Variants in RNF157 observed in about 807,000 individuals in gnomAD.
RNF157 encodes ring finger protein 157.
A neutral mutation model predicts 88.3 loss-of-function variants in RNF157; 55 were observed. That is an observed-to-expected ratio of 0.62 (90% CI 0.50 to 0.78). The LOEUF (loss-of-function observed/expected upper bound fraction) is 0.78. Among genes scored for constraint, RNF157 ranks in the 30% least tolerant of loss-of-function variants. The probability of loss-of-function intolerance (pLI) is 0.00; values close to 1 mark genes in which losing one functional copy is unlikely to be tolerated. For synonymous variants in RNF157, 334 were observed against 341.2 expected, an observed-to-expected ratio of 0.98 and a Z score of 0.23; for missense variants, 788 against 860.8, an observed-to-expected ratio of 0.92 and a Z score of 1.06.
chr17:76,178,371 T>C (rs1215867677), intron 2 of RNF157, among the ~76,000 whole-genome samples: 1 of 152,236 alleles, frequency 6.6e-6, no homozygotes, highest in Non-Finnish European at 1.5e-5. Flanking sequence ...GCACCTATAC[T>C]GGCACCTGGG....
At chr17:76,177,562 G>A (rs1032667249) in intron 2 of RNF157, among the ~76,000 whole-genome samples, 1 of 152,020 alleles carries the variant, frequency 6.6e-6, no homozygotes, top group Non-Finnish European at 1.5e-5. Context: ...GGGCAGCTTG[G>A]TGCTGGCCTT....
At chr17:76,178,339 G>A (rs1438532505) in intron 2 of RNF157, among the ~76,000 whole-genome samples, 1 of 152,232 alleles carries the variant, frequency 6.6e-6, no homozygotes, top group East Asian at 1.9e-4. Flanking sequence ...ACCTGGTCCA[G>A]CCACAGCCTC....
At chr17:76,227,868 A>T (rs2070120583) in intron 1 of RNF157, among the ~76,000 whole-genome samples, 1 of 151,814 alleles carries the variant, frequency 6.6e-6, no homozygotes, top group Admixed American at 6.6e-5. Flanking sequence ...CAAGAGCGAA[A>T]CTCCATCTCA....
At chr17:76,159,678 TG>T (rs1035775042) in intron 11 of RNF157, 105 bp from the exon 12 acceptor site, 40 of 809,254 alleles carry the variant, frequency 4.9e-5, no homozygotes, top group Non-Finnish European at 7.4e-5. Flanking sequence ...TATCTGTTCT[TG>T]GGGGGGTCTG....
intron 1 of RNF157, among the ~76,000 whole-genome samples, chr17:76,239,767 G>C (rs1298718561): frequency 1.3e-5 from 2 of 152,200 alleles, no homozygotes; most frequent in Non-Finnish European, 2.9e-5. Context: ...GAGGCAGGTA[G>C]GCTTTGGGCC....
At chr17:76,239,867 C>T (rs1431998753) in intron 1 of RNF157, among the ~76,000 whole-genome samples, 2 of 152,168 alleles carry the variant, frequency 1.3e-5, no homozygotes, top group Non-Finnish European at 2.9e-5. Flanking sequence ...GGCACGCGTC[C>T]CCGTCACGGG....
At chr17:76,184,786 T>C (rs773169203) in intron 2 of RNF157, among the ~76,000 whole-genome samples, 3 of 152,202 alleles carry the variant, frequency 2.0e-5, no homozygotes, top group Non-Finnish European at 2.9e-5. Context: ...CACACAAAAA[T>C]GCTTTGTCTT....
chr17:76,212,498 CAAAA>C lies in RNF157; in HGVS notation c.89-20_89-17del. ...AAATAGCTTCCTAGAGAGGAACAAA[CAAAA>C]AAAATCAAACAAGCAGAAAACAGTC... On this transcript the variant is annotated splice_polypyrimidine_tract_variant and intron_variant, in intron 1 of 18. Coordinates refer to ENST00000269391, the MANE Select transcript of RNF157 (RefSeq NM_052916.3). 1 of 1,418,480 alleles carries C rather than the reference CAAAA, an allele frequency of 7.0e-7. No homozygotes were observed. The highest frequency in any genetic ancestry group is 9.9e-7 in the Non-Finnish European group (1 of 1,010,056). 87.9% of individuals were successfully genotyped at this position (1,418,480 alleles called of 1,614,324 possible).
rs1223019930 is a variant in RNF157, at chr17:76,227,151, T to C, written c.88+13002A>G. 3.3e-5 allele frequency among the ~76,000 whole-genome samples: 5 copies of C among 150,770 alleles called. No individual in the cohort carries two copies. The East Asian group carries it at 9.8e-4, about 29-fold the overall frequency. The stretch of plus-strand genomic sequence containing the variant: ...TTTTTTTGAGACGGGAGTCTCACTC[T>C]TGTCGCCTAGGCTGGAGTGCAATGA... On this transcript the variant is annotated intron_variant, in intron 1 of 18. Coordinates refer to ENST00000269391, the MANE Select transcript of RNF157 (RefSeq NM_052916.3).
chr17:76,190,510 G>C (rs1315098663), intron 2 of RNF157, among the ~76,000 whole-genome samples: 2 of 151,380 alleles, frequency 1.3e-5, no homozygotes, highest in East Asian at 3.9e-4. Flanking sequence ...CAGTGTCCAG[G>C]GAAATCGCTT....
chr17:76,142,771 G>A lies in RNF157; in HGVS notation c.*2464C>T, dbSNP rs892277005. On this transcript the variant is annotated 3_prime_UTR_variant, in exon 19 of 19. Coordinates refer to ENST00000269391, the MANE Select transcript of RNF157 (RefSeq NM_052916.3). ...GTCTGTGCCCAGGAGATGCCTCAGC[G>A]GGGGTAGAAACTCTGGTGGGATGGA... The A allele has an allele frequency of 1.3e-5, 2 of 152,442 alleles. No individual in the cohort carries two copies. Among genetic ancestry groups the A allele is most frequent in the African/African-American group, 2.4e-5 (1 of 41,432 alleles). The allele number at this position is 152,442 out of a possible 1,614,324, so 9.4% of individuals were successfully genotyped here. A position where few individuals can be genotyped will look rare whatever the true frequency, so the allele number is the denominator to read the frequency against.
intron 12 of RNF157, among the ~76,000 whole-genome samples, chr17:76,158,723 T>C (rs2068804769): frequency 6.6e-6 from 1 of 152,080 alleles, no homozygotes; most frequent in Admixed American, 6.6e-5. Context: ...AGTAGCCGAG[T>C]AGGTCTGGGC....
intron 1 of RNF157, among the ~76,000 whole-genome samples, chr17:76,234,666 T>C (rs889648389): frequency 1.3e-5 from 2 of 152,250 alleles, no homozygotes; most frequent in African/African-American, 4.8e-5. Flanking sequence ...TATATCTTTT[T>C]TGGAGAAATG....
chr17:76,211,585 A>G (rs566370581), intron 2 of RNF157, among the ~76,000 whole-genome samples: 67 of 152,334 alleles, frequency 4.4e-4, no homozygotes, highest in African/African-American at 1.5e-3. Context: ...AACCCTTAGA[A>G]CAGTGCTTAG....
At chr17:76,199,811 C>A in intron 2 of RNF157, among the ~76,000 whole-genome samples, 1 of 152,076 alleles carries the variant, frequency 6.6e-6, no homozygotes, top group Non-Finnish European at 1.5e-5. Flanking sequence ...CTCCATAAAA[C>A]AGAGGGATAA....
At chr17:76,193,872 G>A (rs1224778616) in intron 2 of RNF157, among the ~76,000 whole-genome samples, 1 of 152,130 alleles carries the variant, frequency 6.6e-6, no homozygotes, top group Non-Finnish European at 1.5e-5. Context: ...GGCTGCTGAT[G>A]CAGGAGCAAT....
chr17:76,164,628 G>T, intron 8 of RNF157, 120 bp downstream of exon 8: 2 of 525,440 alleles, frequency 3.8e-6, no homozygotes, highest in Admixed American at 3.8e-5. Flanking sequence ...AAAAAAAGAG[G>T]AAAAGGAGAG....
At chr17:76,210,604 A>AAAAAAAAG (rs2069778717) in intron 2 of RNF157, among the ~76,000 whole-genome samples, 1 of 136,996 alleles carries the variant, frequency 7.3e-6, no homozygotes, top group Non-Finnish European at 1.6e-5. Context: ...AAAAAAAAAA[A>AAAAAAAAG]GAAAGAAAGA....
rs749277854 is a variant in RNF157, at chr17:76,191,408, T to A, written c.208-17618A>T. On this transcript the variant is annotated intron_variant, in intron 2 of 18. Coordinates refer to ENST00000269391, the MANE Select transcript of RNF157 (RefSeq NM_052916.3). ...CGGGAGGATCATGAGGTCAGGAGTT[T>A]AAGACCAGCCTGGCCAAAACCCTGT... 2.6e-5 allele frequency among the ~76,000 whole-genome samples: 4 copies of A among 151,852 alleles called. No individual in the cohort carries two copies. The East Asian group carries it at 5.8e-4, about 22-fold the overall frequency.
Sources: allele counts gnomAD v4.1 joint callset (sites outside exome capture counted in the v4.1 genomes callset), GRCh38; gene constraint gnomAD v4.1.1; transcripts MANE v1.5; gene names NCBI Gene and HGNC (gene_info 2026-07-23, HGNC 2026-07-21).